DAB1: variants seen among roughly 807,000 people sequenced by gnomAD.
DAB1 encodes the protein DAB adaptor protein 1, also known as disabled homolog 1.
DAB1 carries 15 observed loss-of-function variants against 64.6 expected under a neutral mutation model. That is an observed-to-expected ratio of 0.23 (90% CI 0.16 to 0.36). The LOEUF (loss-of-function observed/expected upper bound fraction) is 0.36, where lower values mean the gene tolerates loss of function less well. DAB1 is among the 10% of genes least tolerant of loss of function. The pLI is 1.00. For missense variants in DAB1, 596 were observed against 706.7 expected, an observed-to-expected ratio of 0.84 and a Z score of 1.78; for synonymous variants, 235 against 251.9, an observed-to-expected ratio of 0.93 and a Z score of 0.64.
intron 3 of DAB1, among the ~76,000 whole-genome samples, chr1:58,464,587 T>G (rs1645275996): frequency 1.3e-5 from 2 of 152,238 alleles, no homozygotes. Flanking sequence ...GAATGTTATT[T>G]AACTTCTCTG....
chr1:58,238,366 T>C (rs1333628617), intron 4 of DAB1, among the ~76,000 whole-genome samples: 1 of 152,138 alleles, frequency 6.6e-6, no homozygotes, highest in African/African-American at 2.4e-5. Flanking sequence ...AAAGGGCATT[T>C]TGCTCATGAT....
At chr1:58,331,615 A>C (rs753872083) in intron 4 of DAB1, among the ~76,000 whole-genome samples, 12 of 152,322 alleles carry the variant, frequency 7.9e-5, no homozygotes, top group Non-Finnish European at 1.3e-4. Context: ...CACTACCCTG[A>C]TCAGTTAGCA....
At chr1:57,841,711 T>A (rs1389612849) in intron 1 of DAB1, among the ~76,000 whole-genome samples, 1 of 152,224 alleles carries the variant, frequency 6.6e-6, no homozygotes, top group African/African-American at 2.4e-5. Flanking sequence ...CGAGGCTGCA[T>A]GGAGCAGCGG....
chr1:57,878,434 C>T (rs565674435), intron 1 of DAB1: 2 of 152,224 alleles, frequency 1.3e-5, no homozygotes, highest in African/African-American at 4.8e-5. Context: ...TGGAAAGGCT[C>T]CTCAAAATGG....
At chr1:57,556,291 C>T (rs772657209) in intron 7 of DAB1, among the ~76,000 whole-genome samples, 1 of 152,094 alleles carries the variant, frequency 6.6e-6, no homozygotes, top group Non-Finnish European at 1.5e-5. Context: ...TAGATAGATA[C>T]ACAGGAATGG....
chr1:58,388,739 A>C (rs1034190536), intron 3 of DAB1, among the ~76,000 whole-genome samples: 2 of 152,216 alleles, frequency 1.3e-5, no homozygotes, highest in African/African-American at 4.8e-5. Context: ...CAACAAGAGA[A>C]GTGTTACAGT....
rs555885450 is a variant in DAB1, at chr1:58,433,017, G to A, written n.257+73043C>T. 9.2e-5 allele frequency among the ~76,000 whole-genome samples: 14 copies of A among 152,314 alleles called. No individual in the cohort carries two copies. In the South Asian group the frequency reaches 2.3e-3, roughly 25 times the overall value. On this transcript the variant is annotated intron_variant and non_coding_transcript_variant, in intron 3 of 20. Coordinates refer to the DAB1 transcript ENST00000485760. The stretch of plus-strand genomic sequence containing the variant: ...TTGCAAGCCGACTCATACAGTACCC[G>A]GAGGCGAGTGCCTGTGCTCCCATGT...
intron 7 of DAB1, among the ~76,000 whole-genome samples, chr1:57,439,997 TA>T (rs929959662): frequency 7.9e-5 from 12 of 152,286 alleles, no homozygotes; most frequent in Non-Finnish European, 1.3e-4. Flanking sequence ...ATGCCCCTGA[TA>T]ATACCATACC....
At chr1:58,335,710 G>A (rs1663098103) in intron 4 of DAB1, among the ~76,000 whole-genome samples, 1 of 152,196 alleles carries the variant, frequency 6.6e-6, no homozygotes, top group Admixed American at 6.5e-5. Context: ...ATTATACTCT[G>A]AGGGTAAAGC....
intron 1 of DAB1, among the ~76,000 whole-genome samples, chr1:58,542,772 AG>A (rs1342018222): frequency 3.3e-5 from 5 of 152,206 alleles, no homozygotes; most frequent in African/African-American, 1.2e-4. Flanking sequence ...TGCATCTTAC[AG>A]CCTCATTTTA....
chr1:58,139,528 A>G lies in DAB1; in HGVS notation n.387+10983T>C, dbSNP rs569381119. Among the ~76,000 whole-genome samples, 3 of 152,284 alleles carry G rather than the reference A, an allele frequency of 2.0e-5. No individual in the cohort carries two copies. The South Asian group carries it at 6.2e-4, about 32-fold the overall frequency. On this transcript the variant is annotated intron_variant and non_coding_transcript_variant, in intron 5 of 20. Transcript: ENST00000485760. ...TCAGATCTTGTGAGAACTCACTATT[A>G]TGAGAACAGCATGAGGGGTAACTGC... is the stretch of plus-strand genomic sequence containing the variant.
chr1:58,204,333 C>G (rs1484468563), intron 4 of DAB1, among the ~76,000 whole-genome samples: 2 of 152,220 alleles, frequency 1.3e-5, no homozygotes, highest in Non-Finnish European at 2.9e-5. Flanking sequence ...GAGGGTAGAA[C>G]TTAAATTCAA....
At chr1:57,651,638 C>A (rs1452453113) in intron 6 of DAB1, among the ~76,000 whole-genome samples, 1 of 151,792 alleles carries the variant, frequency 6.6e-6, no homozygotes, top group Non-Finnish European at 1.5e-5. Context: ...ATAAGTCTAA[C>A]CTGACGGGTT....
intron 4 of DAB1, among the ~76,000 whole-genome samples, chr1:58,310,219 T>C (rs1234976563): frequency 6.6e-6 from 1 of 152,206 alleles, no homozygotes; most frequent in African/African-American, 2.4e-5. Flanking sequence ...GAAAGACCTA[T>C]GCCATCTCTG....
chr1:57,727,099 GA>G (rs1647223521), intron 6 of DAB1, among the ~76,000 whole-genome samples: 2 of 152,198 alleles, frequency 1.3e-5, no homozygotes, highest in Admixed American at 1.3e-4. Flanking sequence ...AGAGACCATT[GA>G]AATACTCTTG....
intron 2 of DAB1, among the ~76,000 whole-genome samples, chr1:57,259,992 G>A (rs143798744): frequency 3.4e-4 from 52 of 152,202 alleles, no homozygotes; most frequent in African/African-American, 4.6e-4. Flanking sequence ...TTGTTAATTC[G>A]CAACTGAAAT....
At chr1:58,061,147 G>A (rs753762938) in intron 5 of DAB1, among the ~76,000 whole-genome samples, 7 of 152,208 alleles carry the variant, frequency 4.6e-5, no homozygotes, top group Non-Finnish European at 1.0e-4. Context: ...CAACACCTCA[G>A]AGTATCAGAG....
At chr1:58,301,466 C>G (rs1328961169) in intron 4 of DAB1, among the ~76,000 whole-genome samples, 1 of 151,732 alleles carries the variant, frequency 6.6e-6, no homozygotes, top group Non-Finnish European at 1.5e-5. Flanking sequence ...CATAAACTTT[C>G]TTAGAACATT....
chr1:57,273,932 T>C (rs1671254443), intron 2 of DAB1, among the ~76,000 whole-genome samples: 1 of 152,074 alleles, frequency 6.6e-6, no homozygotes, highest in African/African-American at 2.4e-5. Flanking sequence ...CACATAGGCC[T>C]TCCAGATGCA....
Sources: allele counts gnomAD v4.1 joint callset (sites outside exome capture counted in the v4.1 genomes callset), GRCh38; gene constraint gnomAD v4.1.1; transcripts MANE v1.5; gene names NCBI Gene and HGNC (gene_info 2026-07-23, HGNC 2026-07-21).